Variants in UBE2D4 observed in about 807,000 individuals in gnomAD.
The protein encoded by UBE2D4 is ubiquitin conjugating enzyme E2 D4.
A neutral mutation model predicts 23.0 loss-of-function variants in UBE2D4; 17 were observed. The observed-to-expected ratio is 0.74, with a 90% CI of 0.51 to 1.11. UBE2D4 has a LOEUF of 1.11. Among genes scored for constraint, UBE2D4 ranks in the 50% least tolerant of loss-of-function variants. UBE2D4 has a pLI of 0.00. For missense variants in UBE2D4, 139 were observed against 181.8 expected (o/e 0.76, Z 1.35); for synonymous variants, 61 against 69.4 (o/e 0.88, Z 0.60).
In UBE2D4 at chr7:43,953,172, A is replaced by G; in HGVS notation, c.*477A>G. The G allele has an allele frequency of 2.2e-6, 1 of 456,818 alleles. No individual in the cohort carries two copies. 28.3% of individuals were successfully genotyped at this position (456,818 alleles called of 1,614,324 possible). ...TTCGCACCTCATCTGCTGCAGAACC[A>G]CATCCTGAGGAGTCTCAGCTTATCC... On this transcript the variant is annotated 3_prime_UTR_variant, in exon 7 of 7. Coordinates refer to ENST00000222402, the MANE Select transcript of UBE2D4 (RefSeq NM_015983.4).
In UBE2D4 at chr7:43,950,594, C is replaced by T. The variant is rs2096000026; in HGVS notation, c.305-5C>T. The stretch of plus-strand genomic sequence containing the variant: ...CAGCTGACCAACCTTTTCTTTTCTT[C>T]CCAGTTCTCTTGTCCATCTGCTCGC... On this transcript the variant is annotated splice_region_variant and splice_polypyrimidine_tract_variant and intron_variant, in intron 5 of 6. Transcript: ENST00000222402. The T allele has an allele frequency of 6.2e-7, 1 of 1,613,812 alleles. No homozygotes were observed. The highest frequency in any genetic ancestry group is 1.7e-5 in the Admixed American group (1 of 60,002).
intron 1 of UBE2D4, among the ~76,000 whole-genome samples, chr7:43,933,161 T>C (rs2095951056): frequency 6.8e-6 from 1 of 148,004 alleles, no homozygotes. Context: ...TGTGTGGGTG[T>C]ATATATATAT....
chr7:43,938,629 A>T (rs2095963970), intron 2 of UBE2D4, 135 bp downstream of exon 2: 6 of 785,814 alleles, frequency 7.6e-6, no homozygotes, highest in Admixed American at 2.3e-5. Context: ...TGAGGTCAGG[A>T]GTTTGAAACT....
intron 2 of UBE2D4, chr7:43,941,940 A>G (rs1048789646): frequency 3.9e-5 from 6 of 152,082 alleles, no homozygotes; most frequent in African/African-American, 1.4e-4. Context: ...CTTGTCCCCA[A>G]AAGATCTGGC....
rs546467312 is a variant in UBE2D4 at position 43,948,838 on chromosome 7, C to T, written c.304+101C>T. The stretch of plus-strand genomic sequence containing the variant: ...AAGCTCAGAGAAAGAAGTCACCTTT[C>T]CCAGGTCACATAGCCCTGTCCACTG... On this transcript the variant is annotated intron_variant, in intron 5 of 6. Coordinates refer to ENST00000222402, the MANE Select transcript of UBE2D4 (RefSeq NM_015983.4). 205 of 909,666 alleles carry T rather than the reference C, an allele frequency of 2.3e-4. 3 individuals are homozygous for T. In the African/African-American group the frequency reaches 3.1e-3, roughly 14 times the overall value. The allele number at this position is 909,666 out of a possible 1,614,324, so 56.3% of individuals were successfully genotyped here. A position where few individuals can be genotyped will look rare whatever the true frequency, so the allele number is the denominator to read the frequency against.
chr7:43,952,570 C>A, intron 6 of UBE2D4, 80 bp from the exon 7 acceptor site: 2 of 1,251,956 alleles, frequency 1.6e-6, no homozygotes, highest in Non-Finnish European at 2.3e-6. Flanking sequence ...TTCCCCACAT[C>A]AGTCCTGTTC....
At chr7:43,949,087 G>T in intron 5 of UBE2D4, 1 of 365,434 alleles carries the variant, frequency 2.7e-6, no homozygotes, top group Non-Finnish European at 4.9e-6. Context: ...CATCTAATAA[G>T]CACAAAACGG....
At chr7:43,931,576 GA>G (rs1585855443) in intron 1 of UBE2D4, among the ~76,000 whole-genome samples, 2 of 120,012 alleles carry the variant, frequency 1.7e-5, no homozygotes, top group Admixed American at 2.3e-4. Flanking sequence ...CAGAGGAGGG[GA>G]AACTCACACT....
At chr7:43,931,808 C>T (rs1055623888) in intron 1 of UBE2D4, among the ~76,000 whole-genome samples, 2 of 151,962 alleles carry the variant, frequency 1.3e-5, no homozygotes, top group Non-Finnish European at 2.9e-5. Flanking sequence ...AACTGATTCT[C>T]CTGTGTCAGC....
intron 4 of UBE2D4, chr7:43,943,383 C>T: frequency 2.7e-6 from 1 of 373,244 alleles, no homozygotes; most frequent in Non-Finnish European, 4.9e-6. Flanking sequence ...GATTTTGCTA[C>T]TGCCCCAGGG....
chr7:43,939,479 A>T (rs2095966259), intron 2 of UBE2D4, among the ~76,000 whole-genome samples: 1 of 152,128 alleles, frequency 6.6e-6, no homozygotes, highest in African/African-American at 2.4e-5. Flanking sequence ...GGGCTCTGGG[A>T]CACCAATCCT....
At chr7:43,938,385 G>A (rs541431315) in intron 1 of UBE2D4, 46 bp from the exon 2 acceptor site, 5 of 1,577,116 alleles carry the variant, frequency 3.2e-6, no homozygotes, top group African/African-American at 2.7e-5. Flanking sequence ...TGTAGAGGCA[G>A]CATCCCCAGC....
chr7:43,935,960 G>T (rs1002171179), intron 1 of UBE2D4, among the ~76,000 whole-genome samples: 1 of 152,152 alleles, frequency 6.6e-6, no homozygotes, highest in African/African-American at 2.4e-5. Flanking sequence ...CCCTGCCCAT[G>T]GCATCACCCT....
At chr7:43,928,419 C>G (rs2095938024) in intron 1 of UBE2D4, among the ~76,000 whole-genome samples, 1 of 120,686 alleles carries the variant, frequency 8.3e-6, no homozygotes, top group African/African-American at 2.9e-5. Context: ...GAGAGTATGA[C>G]TCTTTTTTTT....
chr7:43,941,733 A>AT (rs2095973117), intron 2 of UBE2D4: 1 of 152,260 alleles, frequency 6.6e-6, no homozygotes, highest in African/African-American at 2.4e-5. Flanking sequence ...CCAAGGCTTA[A>AT]TTCTGTGCAA....
At chr7:43,940,714 TCC>T (rs956173134) in intron 2 of UBE2D4, among the ~76,000 whole-genome samples, 36 of 152,346 alleles carry the variant, frequency 2.4e-4, no homozygotes, top group African/African-American at 8.2e-4. Context: ...CTGCTTAGTG[TCC>T]CAGCAGCCCT....
chr7:43,939,629 T>G (rs2095966717), intron 2 of UBE2D4, among the ~76,000 whole-genome samples: 1 of 152,242 alleles, frequency 6.6e-6, no homozygotes, highest in African/African-American at 2.4e-5. Flanking sequence ...ATGCCAATGT[T>G]CACGGCACCA....
At chr7:43,931,962 A>G (rs967874022) in intron 1 of UBE2D4, among the ~76,000 whole-genome samples, 1 of 151,498 alleles carries the variant, frequency 6.6e-6, no homozygotes, top group Non-Finnish European at 1.5e-5. Flanking sequence ...TGCTGGGATT[A>G]CAGGCATGAG....
chr7:43,947,630 G>C (rs2095991175), intron 4 of UBE2D4, among the ~76,000 whole-genome samples: 1 of 152,182 alleles, frequency 6.6e-6, no homozygotes, highest in Non-Finnish European at 1.5e-5. Context: ...ATTGTGAATA[G>C]TGCCGCAATA....
Sources: allele counts gnomAD v4.1 joint callset (sites outside exome capture counted in the v4.1 genomes callset), GRCh38; gene constraint gnomAD v4.1.1; transcripts MANE v1.5; gene names NCBI Gene and HGNC (gene_info 2026-07-23, HGNC 2026-07-21).